RBFOX3: variants seen among roughly 807,000 people sequenced by gnomAD.
RBFOX3 encodes RNA binding fox-1 homolog 3.
RBFOX3 carries 17 observed loss-of-function variants against 48.7 expected under a neutral mutation model. That is an observed-to-expected ratio of 0.35 (90% CI 0.24 to 0.52). The LOEUF (loss-of-function observed/expected upper bound fraction) is 0.52. RBFOX3 is among the 20% of genes least tolerant of loss of function. The pLI, the probability that RBFOX3 is intolerant of heterozygous loss-of-function variation, is 0.94. For missense variants in RBFOX3, 382 were observed against 497.5 expected, an observed-to-expected ratio of 0.77 and a Z score of 2.21; for synonymous variants, 212 against 209.5, an observed-to-expected ratio of 1.01 and a Z score of -0.10.
At chr17:79,656,627 G>A in the RBFOX3 span, among the ~76,000 whole-genome samples, 21 of 103,506 alleles carry the variant, frequency 2.0e-4, no homozygotes, top group South Asian at 7.2e-3. Flanking sequence ...GAAAGGAAGA[G>A]AAGAAAGAAA....
At chr17:79,469,691 C>T (rs1399940447) in intron 2 of RBFOX3, among the ~76,000 whole-genome samples, 3 of 152,194 alleles carry the variant, frequency 2.0e-5, no homozygotes, top group South Asian at 2.1e-4. Context: ...TTTGGCCTCC[C>T]TCATTCCACC....
chr17:79,110,025 C>T (rs886967300), intron 5 of RBFOX3, among the ~76,000 whole-genome samples: 3 of 151,856 alleles, frequency 2.0e-5, no homozygotes, highest in East Asian at 3.9e-4. Flanking sequence ...TGACTGCACA[C>T]GGACTGCCCC....
intron 1 of RBFOX3, among the ~76,000 whole-genome samples, chr17:79,527,364 C>A (rs1390761773): frequency 6.6e-6 from 1 of 152,240 alleles, no homozygotes; most frequent in Non-Finnish European, 1.5e-5. Flanking sequence ...AACGCCCATC[C>A]TGCCACTGCA....
intron 4 of RBFOX3, among the ~76,000 whole-genome samples, chr17:79,185,091 C>T (rs1226214925): frequency 1.3e-5 from 2 of 150,590 alleles, no homozygotes; most frequent in African/African-American, 5.0e-5. Flanking sequence ...CTCTCAGGTG[C>T]CCCTTGTTCA....
At chr17:79,240,510 TC>T (rs1277012713) in intron 3 of RBFOX3, among the ~76,000 whole-genome samples, 1 of 152,230 alleles carries the variant, frequency 6.6e-6, no homozygotes, top group Non-Finnish European at 1.5e-5. Flanking sequence ...CCATCATGTC[TC>T]TTATTTATTG....
the RBFOX3 span, among the ~76,000 whole-genome samples, chr17:79,643,141 T>C: frequency 4.6e-5 from 7 of 152,090 alleles, no homozygotes; most frequent in African/African-American, 1.7e-4. Flanking sequence ...ATGCTAACAA[T>C]AAGCATAAGA....
chr17:79,642,914 G>A, the RBFOX3 span, among the ~76,000 whole-genome samples: 2 of 152,190 alleles, frequency 1.3e-5, no homozygotes, highest in African/African-American at 2.4e-5. Context: ...AAATGAGCCT[G>A]AGCAACATAG....
chr17:79,385,227 C>T (rs891622488), intron 2 of RBFOX3, among the ~76,000 whole-genome samples: 2 of 152,146 alleles, frequency 1.3e-5, no homozygotes, highest in East Asian at 1.9e-4. Flanking sequence ...TCTCCAGGGT[C>T]CCACAACAAG....
chr17:79,276,687 A>C (rs115826272), intron 3 of RBFOX3, among the ~76,000 whole-genome samples: 4 of 152,192 alleles, frequency 2.6e-5, no homozygotes, highest in African/African-American at 9.7e-5. Flanking sequence ...TCTGCCTTAA[A>C]AAAACAAAAC....
At chr17:79,493,865 G>A (rs760884627) in intron 1 of RBFOX3, among the ~76,000 whole-genome samples, 15 of 152,236 alleles carry the variant, frequency 9.9e-5, no homozygotes, top group Non-Finnish European at 1.9e-4. Context: ...TCACACACCC[G>A]CCGCGGCAGT....
At chr17:79,126,307 G>C (rs1236946264) in intron 4 of RBFOX3, among the ~76,000 whole-genome samples, 1 of 152,232 alleles carries the variant, frequency 6.6e-6, no homozygotes, top group Non-Finnish European at 1.5e-5. Context: ...TGGGGTGGGG[G>C]CCAGAGCCAT....
Position 79,479,854 on chromosome 17 carries a change from C to G in RBFOX3, c.-175+2600G>C, listed in dbSNP as rs914715232. ...CGTCACGGCCTGCAGGATGTCTGTACGTCAGGGCCCTCCCCTAGGGACAGA... is the reference window on the plus strand; with the variant it reads ...CGTCACGGCCTGCAGGATGTCTGTAGGTCAGGGCCCTCCCCTAGGGACAGA... On this transcript the variant is annotated intron_variant, in intron 2 of 14. Coordinates refer to ENST00000693108, the MANE Select transcript of RBFOX3 (RefSeq NM_001350451.2). The surrounding 1 kb of genome is among the most constrained non-coding windows in gnomAD (Gnocchi z 5.1). Among the ~76,000 whole-genome samples, 1 of 152,190 alleles carries G rather than the reference C, an allele frequency of 6.6e-6. No homozygotes were observed. Among genetic ancestry groups the G allele is most frequent in the Non-Finnish European group, 1.5e-5 (1 of 68,032 alleles).
At chr17:79,463,189 TGCCACCGCCATC>T (rs2075685734) in intron 2 of RBFOX3, among the ~76,000 whole-genome samples, 2 of 51,524 alleles carry the variant, frequency 3.9e-5, no homozygotes, top group Non-Finnish European at 4.7e-5. Flanking sequence ...CCATCGCCAC[TGCCACCGCCATC>T]GCCACTGCCA....
intron 12 of RBFOX3, 64 bp downstream of exon 12, chr17:79,096,589 G>A (rs376194515): frequency 1.2e-4 from 165 of 1,407,342 alleles, no homozygotes; most frequent in Non-Finnish European, 1.5e-4. Context: ...AGGAGACGCC[G>A]ACTTCTCATT....
chr17:79,585,697 G>A (rs2093228173), intron 1 of RBFOX3, among the ~76,000 whole-genome samples: 1 of 152,206 alleles, frequency 6.6e-6, no homozygotes, highest in Non-Finnish European at 1.5e-5. Flanking sequence ...GGAGAGTGAA[G>A]AAAGAGGATG....
At chr17:79,586,058 C>T (rs2093240212) in intron 1 of RBFOX3, among the ~76,000 whole-genome samples, 1 of 152,194 alleles carries the variant, frequency 6.6e-6, no homozygotes, top group African/African-American at 2.4e-5. Context: ...AGAGATGCCC[C>T]AACTGTTCAC....
intron 1 of RBFOX3, among the ~76,000 whole-genome samples, chr17:79,587,948 C>T (rs1431320826): frequency 1.3e-5 from 2 of 152,200 alleles, no homozygotes; most frequent in African/African-American, 4.8e-5. Flanking sequence ...GCAATGCTCC[C>T]ACCTCAGCTT....
intron 2 of RBFOX3, among the ~76,000 whole-genome samples, chr17:79,374,354 C>T (rs977762982): frequency 2.6e-5 from 4 of 152,124 alleles, no homozygotes; most frequent in East Asian, 1.9e-4. Flanking sequence ...GGTGGTGGTG[C>T]GGGGGCAGGC....
chr17:79,381,537 C>T (rs192372363), intron 2 of RBFOX3, among the ~76,000 whole-genome samples: 14 of 152,316 alleles, frequency 9.2e-5, no homozygotes, highest in South Asian at 2.1e-4. Context: ...GTGTTAGGGC[C>T]GGTCAGGCAG....
Sources: allele counts gnomAD v4.1 joint callset (sites outside exome capture counted in the v4.1 genomes callset), GRCh38; gene constraint gnomAD v4.1.1; non-coding constraint Gnocchi (gnomAD v3.1); transcripts MANE v1.5; gene names NCBI Gene and HGNC (gene_info 2026-07-23, HGNC 2026-07-21).